The following HNRNPUL1 variants were observed in gnomAD, a reference collection of about 807,000 sequenced individuals.
The protein encoded by HNRNPUL1 is heterogeneous nuclear ribonucleoprotein U-like protein 1.
Under a neutral mutation model 108.5 loss-of-function variants are expected in HNRNPUL1, and 14 were observed. The ratio of observed to expected loss-of-function variants is 0.13; its 90% confidence interval spans 0.09 to 0.20. The LOEUF is 0.20. Ranked by LOEUF, HNRNPUL1 falls within the 10% of genes least tolerant of loss-of-function variation. The probability of loss-of-function intolerance (pLI) is 1.00; values close to 1 mark genes in which losing one functional copy is unlikely to be tolerated. For missense variants in HNRNPUL1, 804 were observed against 1,168.3 expected, an observed-to-expected ratio of 0.69 and a Z score of 4.55; for synonymous variants, 422 against 445.2, an observed-to-expected ratio of 0.95 and a Z score of 0.66.
chr19:41,299,955 T>C (rs911627653), intron 10 of HNRNPUL1, among the ~76,000 whole-genome samples: 1 of 152,130 alleles, frequency 6.6e-6, no homozygotes, highest in Non-Finnish European at 1.5e-5. Flanking sequence ...CGAGGGCTTT[T>C]ACTCACGTGG....
chr19:41,292,349 C>G lies in HNRNPUL1; in HGVS notation c.1104C>G (p.Leu368=). 6.2e-7 allele frequency: 1 copy of G among 1,614,230 alleles called. No individual in the cohort carries two copies. The highest frequency in any genetic ancestry group is 8.5e-7 in the Non-Finnish European group (1 of 1,180,050). The change falls in exon 8 of 15, where the codon CTC becomes CTG. Residue 368 remains leucine, a synonymous_variant. Transcript: ENST00000392006. The surrounding 1 kb of genome is among the most constrained non-coding windows in gnomAD (Gnocchi z 4.1). ...AGGAAGCCTTGGGGGGTCAGGCCCT[C>G]TATCCTCATGTCCTGGTGAAGAATT... ...IQKEALGGQA[L]YPHVLVKNCA... is the part of the protein sequence containing the mutation.
At chr19:41,278,101 C>A (rs1339180681) in intron 5 of HNRNPUL1, among the ~76,000 whole-genome samples, 1 of 151,736 alleles carries the variant, frequency 6.6e-6, no homozygotes, top group African/African-American at 2.4e-5. Flanking sequence ...CACTTGTTAC[C>A]CAAGCTAGAA....
In HNRNPUL1 at chr19:41,305,747, TCCA is replaced by T. The variant is rs755724269; in HGVS notation, c.2343_2345del (p.Pro782del). The T allele has an allele frequency of 6.2e-7, 1 of 1,613,798 alleles. No individual in the cohort carries two copies. Among genetic ancestry groups the T allele is most frequent in the African/African-American group, 1.3e-5 (1 of 74,914 alleles). ...GCTACACAGCCCCACCGCCTCCACC[TCCA>T]CCACCACCTGCCTACAACTATGGGA... is the stretch of plus-strand genomic sequence containing the variant. On this transcript the variant is annotated inframe_deletion, in exon 14 of 15. Coordinates refer to ENST00000392006, the MANE Select transcript of HNRNPUL1 (RefSeq NM_007040.6).
Position 41,301,797 on chromosome 19 carries a change from G to T in HNRNPUL1, c.1687+93G>T, listed in dbSNP as rs1413254028. 4.3e-6 allele frequency: 5 copies of T among 1,158,020 alleles called. No homozygotes were observed. In the African/African-American group the frequency reaches 4.7e-5, roughly 11 times the overall value. 71.7% of individuals were successfully genotyped at this position (1,158,020 alleles called of 1,614,324 possible). ...GTTTGTCCTTCCCTGGCTCCCCAGT[G>T]ATTTCTTTTTTGATCTTACTCTTTC... is the stretch of plus-strand genomic sequence containing the variant. On this transcript the variant is annotated intron_variant, in intron 11 of 14. Coordinates refer to ENST00000392006, the MANE Select transcript of HNRNPUL1 (RefSeq NM_007040.6).
intron 2 of HNRNPUL1, 28 bp downstream of exon 2, chr19:41,268,373 T>A: frequency 6.2e-7 from 1 of 1,608,820 alleles, no homozygotes. Flanking sequence ...GTTCATCTCT[T>A]TGGATGGAAA....
At chr19:41,290,098 G>C (rs1423886914) in intron 7 of HNRNPUL1, among the ~76,000 whole-genome samples, 2 of 152,242 alleles carry the variant, frequency 1.3e-5, no homozygotes, top group South Asian at 2.1e-4. Context: ...TGAGCACTGA[G>C]GAGGTTAATG....
chr19:41,280,460 CATCTT>C (rs1186655038), intron 6 of HNRNPUL1, among the ~76,000 whole-genome samples: 3 of 152,098 alleles, frequency 2.0e-5, no homozygotes, highest in South Asian at 2.1e-4. Flanking sequence ...TAAGTCATCT[CATCTT>C]ATCTCTGTCT....
chr19:41,277,589 C>T (rs1310145005), intron 5 of HNRNPUL1, among the ~76,000 whole-genome samples: 2 of 152,184 alleles, frequency 1.3e-5, no homozygotes, highest in Non-Finnish European at 2.9e-5. Flanking sequence ...TCACTGCAAC[C>T]TCTGCCTCCC....
In HNRNPUL1 at chr19:41,306,723, C is replaced by G. The variant is rs2037570732; in HGVS notation, c.*158C>G. On this transcript the variant is annotated 3_prime_UTR_variant, in exon 15 of 15. Coordinates refer to ENST00000392006, the MANE Select transcript of HNRNPUL1 (RefSeq NM_007040.6). ...CCACTGCCTCCCCTCTGAGGGGCTT[C>G]CTTCCCCTCCATAGGGCCAGGCATT... The G allele has an allele frequency of 4.8e-6, 2 of 417,940 alleles. No homozygotes were observed. Among genetic ancestry groups the G allele is most frequent in the Admixed American group, 4.3e-5 (1 of 23,014 alleles). 25.9% of individuals were successfully genotyped at this position (417,940 alleles called of 1,614,324 possible).
At chr19:41,297,143 G>C (rs1205584119) in intron 10 of HNRNPUL1, among the ~76,000 whole-genome samples, 1 of 152,214 alleles carries the variant, frequency 6.6e-6, no homozygotes, top group African/African-American at 2.4e-5. Flanking sequence ...ATCAGAAGAG[G>C]AAAAAGAGGT....
chr19:41,271,060 T>C (rs541225660), intron 2 of HNRNPUL1, among the ~76,000 whole-genome samples: 1 of 152,348 alleles, frequency 6.6e-6, no homozygotes, highest in African/African-American at 2.4e-5. Context: ...TGAGAACTGA[T>C]GGAGCCCGGA....
At chr19:41,265,203 C>T (rs867422955) in intron 1 of HNRNPUL1, 1 of 1,504,200 alleles carries the variant, frequency 6.6e-7, no homozygotes. Context: ...TCGTGCTAGC[C>T]CAGCGTGTGG....
At chr19:41,304,362 C>T (rs554363289) in intron 13 of HNRNPUL1, 101 bp downstream of exon 13, 2 of 1,510,060 alleles carry the variant, frequency 1.3e-6, no homozygotes, top group Non-Finnish European at 8.9e-7. Context: ...ACACATGCCC[C>T]AGCTACTGGT....
Position 41,307,272 on chromosome 19 carries a change from C to G in HNRNPUL1, c.*707C>G. The G allele has an allele frequency of 6.6e-6, 1 of 152,568 alleles. No individual in the cohort carries two copies. Among genetic ancestry groups the G allele is most frequent in the East Asian group, 1.9e-4 (1 of 5,200 alleles). 9.5% of individuals were successfully genotyped at this position (152,568 alleles called of 1,614,324 possible). On this transcript the variant is annotated 3_prime_UTR_variant, in exon 15 of 15. Coordinates refer to ENST00000392006, the MANE Select transcript of HNRNPUL1 (RefSeq NM_007040.6). ...ATCATCTTTAACCCAACTTTTTATA[C>G]GATGCCCCAGTTCCCCATAACTTTG...
upstream of HNRNPUL1, chr19:41,264,355 A>T: frequency 1.8e-6 from 1 of 563,576 alleles, no homozygotes; most frequent in Non-Finnish European, 2.7e-6. Context: ...GTGAGGGGGG[A>T]GGCGGTGGCG....
At chr19:41,267,953 C>T (rs1232603307) in intron 1 of HNRNPUL1, 1 of 276,192 alleles carries the variant, frequency 3.6e-6, no homozygotes, top group Non-Finnish European at 6.8e-6. Context: ...ATTCCTGGTA[C>T]TACTTTGTAG....
rs2037206466 is a variant in HNRNPUL1, at chr19:41,301,456, T to C, written c.1519-80T>C. ...GCACTGATATCCTTTTCTCAGTCCC[T>C]GGCCTACATAATACCCCTCAGAGGA... On this transcript the variant is annotated intron_variant, in intron 10 of 14. Coordinates refer to ENST00000392006, the MANE Select transcript of HNRNPUL1 (RefSeq NM_007040.6). The C allele has an allele frequency of 2.5e-6, 3 of 1,190,898 alleles. No individual in the cohort carries two copies. In the Admixed American group the frequency reaches 7.0e-5, roughly 28 times the overall value. The allele number at this position is 1,190,898 out of a possible 1,614,324, so 73.8% of individuals were successfully genotyped here.
Position 41,265,330 on chromosome 19 carries a change from G to T in HNRNPUL1, c.295+532G>T, listed in dbSNP as rs1273471729. 7.9e-6 allele frequency: 8 copies of T among 1,017,948 alleles called. No individual in the cohort carries two copies. The Admixed American group carries it at 1.9e-4, about 24-fold the overall frequency. The allele number at this position is 1,017,948 out of a possible 1,614,324, so 63.1% of individuals were successfully genotyped here. On this transcript the variant is annotated intron_variant, in intron 1 of 14. Transcript: ENST00000392006. ...TATGCCGCTGGATGCGATCCTGGGC[G>T]TTCTCCTATTTGGGTACGGGGGTGG...
In HNRNPUL1 at chr19:41,274,037, C is replaced by G; in HGVS notation, c.628C>G (p.Leu210Val). ...EEDEDDFDDT[L>V]VAIDTYNCDL... ...GGATGAAGATGACTTTGATGATACC[C>G]TTGTTGCTATTGACACCTGTAAGTC... The change falls in exon 4 of 15, where the codon CTT (leucine) becomes GTT (valine). Residue 210 changes from leucine (L) to valine (V), a missense_variant. Coordinates refer to ENST00000392006, the MANE Select transcript of HNRNPUL1 (RefSeq NM_007040.6). 1.9e-6 allele frequency: 3 copies of G among 1,614,070 alleles called. No homozygotes were observed. The highest frequency in any genetic ancestry group is 2.5e-6 in the Non-Finnish European group (3 of 1,179,914).
Sources: gnomAD v4.1 joint callset for allele counts (sites outside exome capture counted in the v4.1 genomes callset) on GRCh38, gnomAD v4.1.1 for gene constraint, Gnocchi (gnomAD v3.1) non-coding constraint, MANE v1.5 for transcripts, NCBI Gene and HGNC (gene_info 2026-07-23, HGNC 2026-07-21) for gene names.